CPEB2: variants seen among roughly 807,000 people sequenced by gnomAD.
CPEB2 encodes the protein cytoplasmic polyadenylation element-binding protein 2.
CPEB2 carries 56 observed loss-of-function variants against 93.6 expected under a neutral mutation model. That is an observed-to-expected ratio of 0.60 (90% CI 0.48 to 0.75). The LOEUF (loss-of-function observed/expected upper bound fraction) is 0.75. Among genes scored for constraint, CPEB2 ranks in the 30% least tolerant of loss-of-function variants. CPEB2 has a pLI of 0.00. For missense variants in CPEB2, 1,579 were observed against 1,395.1 expected, an observed-to-expected ratio of 1.13 and a Z score of -2.10; for synonymous variants, 764 against 586.3, an observed-to-expected ratio of 1.30 and a Z score of -4.38.
At chr4:15,014,824 A>G (rs1275202740) in intron 3 of CPEB2, among the ~76,000 whole-genome samples, 6 of 152,122 alleles carry the variant, frequency 3.9e-5, no homozygotes, top group Non-Finnish European at 1.5e-5. Context: ...CAAATTAGTT[A>G]TGAACACAGT....
chr4:15,047,307 G>T (rs1727805594), intron 6 of CPEB2, among the ~76,000 whole-genome samples: 1 of 152,154 alleles, frequency 6.6e-6, no homozygotes, highest in South Asian at 2.1e-4. Flanking sequence ...TGAATTTCTA[G>T]AAGACAGTGT....
Position 15,066,622 on chromosome 4 carries a change from T to A in CPEB2, c.*242T>A. 2.0e-6 allele frequency: 1 copy of A among 494,482 alleles called. No individual in the cohort carries two copies. Among genetic ancestry groups the A allele is most frequent in the Non-Finnish European group, 3.6e-6 (1 of 278,844 alleles). 30.6% of individuals were successfully genotyped at this position (494,482 alleles called of 1,614,324 possible). ...TGTTCAAATAAAATGTTTTTTTGTATTTTCTCCAAGTTATTTTTATATGTA... is the reference window on the plus strand; with the variant it reads ...TGTTCAAATAAAATGTTTTTTTGTAATTTCTCCAAGTTATTTTTATATGTA... On this transcript the variant is annotated 3_prime_UTR_variant, in exon 12 of 12. Transcript: ENST00000538197.
chr4:15,008,372 C>T lies in CPEB2; in HGVS notation c.1979C>T (p.Ser660Leu). 1 of 1,613,848 alleles carries T rather than the reference C, an allele frequency of 6.2e-7. No individual in the cohort carries two copies. The highest frequency in any genetic ancestry group is 1.7e-5 in the Admixed American group (1 of 59,996). ...AGTTTGCAGTTGCCAGCTTGGGGCT[C>T]AGATTCACTCCAAGATAGTTGGTGC... ...RSSLQLPAWG[S>L]DSLQDSWCTA... Residue 660 changes from serine to leucine, a missense_variant, in exon 3 of 12, where the codon TCA becomes TTA. Coordinates refer to ENST00000538197, the MANE Select transcript of CPEB2 (RefSeq NM_001177382.2).
At chr4:15,015,539 C>T (rs1724029928) in intron 3 of CPEB2, among the ~76,000 whole-genome samples, 1 of 152,006 alleles carries the variant, frequency 6.6e-6, no homozygotes, top group African/African-American at 2.4e-5. Context: ...AAGGCTACAA[C>T]CCTAATTTAA....
intron 8 of CPEB2, 39 bp downstream of exon 8, chr4:15,054,256 T>A: frequency 6.9e-7 from 1 of 1,441,404 alleles, no homozygotes. Flanking sequence ...AGGAAATTGG[T>A]TGTATGAGAG....
At chr4:15,034,756 A>G (rs1726443911) in intron 5 of CPEB2, among the ~76,000 whole-genome samples, 1 of 152,190 alleles carries the variant, frequency 6.6e-6, no homozygotes, top group Admixed American at 6.5e-5. Context: ...TTTGTGGGTT[A>G]AAGAAGTCAC....
At chr4:15,020,807 A>T (rs2108999141) in intron 4 of CPEB2, among the ~76,000 whole-genome samples, 1 of 152,264 alleles carries the variant, frequency 6.6e-6, no homozygotes, top group East Asian at 1.9e-4. Flanking sequence ...GGAAAGAGAG[A>T]TTCCTTATAC....
At chr4:15,060,167 A>T (rs1729060400) in intron 10 of CPEB2, among the ~76,000 whole-genome samples, 1 of 152,060 alleles carries the variant, frequency 6.6e-6, no homozygotes, top group African/African-American at 2.4e-5. Context: ...TCTTGAGTGG[A>T]GGGAAACAGG....
rs1438193292 is a variant in CPEB2, at chr4:15,003,100, A to G, written c.427A>G (p.Ser143Gly). Residue 143 changes from serine to glycine, a missense_variant, in exon 1 of 12, where the codon AGT becomes GGT. By Grantham distance (56) the Ser-to-Gly change is moderately conservative. Around this residue, in one of 2 missense-constraint regions of CPEB2, gnomAD observed 1,411 missense variants for 1,056.0 expected, o/e 1.34. Coordinates refer to ENST00000538197, the MANE Select transcript of CPEB2 (RefSeq NM_001177382.2). ...CCTCCCCTCCCAGGACTTCAAACCGAGTCTGCACCACCCCTCCTCCTCCTC... is the reference window on the plus strand; with the variant it reads ...CCTCCCCTCCCAGGACTTCAAACCGGGTCTGCACCACCCCTCCTCCTCCTC... ...HLLPSQDFKP[S>G]LHHPSSSSAS... 5.2e-6 allele frequency: 8 copies of G among 1,532,552 alleles called. No homozygotes were observed. The African/African-American group carries it at 1.1e-4, about 21-fold the overall frequency. The allele number at this position is 1,532,552 out of a possible 1,614,324, so 94.9% of individuals were successfully genotyped here. A position where few individuals can be genotyped will look rare whatever the true frequency, so the allele number is the denominator to read the frequency against.
intron 10 of CPEB2, among the ~76,000 whole-genome samples, chr4:15,059,698 T>C (rs954590665): frequency 6.6e-6 from 1 of 152,190 alleles, no homozygotes; most frequent in Non-Finnish European, 1.5e-5. Context: ...TTTTAATCAT[T>C]AAAGTAGCAC....
In CPEB2 at chr4:15,002,946, G is replaced by C; in HGVS notation, c.273G>C (p.Gln91His). 2 of 1,515,902 alleles carry C rather than the reference G, an allele frequency of 1.3e-6. No homozygotes were observed. Among genetic ancestry groups the C allele is most frequent in the Non-Finnish European group, 8.8e-7 (1 of 1,141,726 alleles). 93.9% of individuals were successfully genotyped at this position (1,515,902 alleles called of 1,614,324 possible). The change falls in exon 1 of 12, where the codon CAG becomes CAC. Residue 91 changes from glutamine to histidine, a missense_variant. Around this residue, in one of 2 missense-constraint regions of CPEB2, gnomAD observed 1,411 missense variants for 1,056.0 expected, o/e 1.34. Coordinates refer to ENST00000538197, the MANE Select transcript of CPEB2 (RefSeq NM_001177382.2). ...SSSSPFLAHQ[Q>H]TMQDELLLGL... is the part of the protein sequence containing the mutation. The stretch of plus-strand genomic sequence containing the variant: ...CCTCCCCGTTCCTGGCGCATCAGCA[G>C]ACCATGCAGGATGAGCTGCTTCTGG...
chr4:15,034,100 G>A (rs1176319828), intron 5 of CPEB2, among the ~76,000 whole-genome samples: 1 of 152,138 alleles, frequency 6.6e-6, no homozygotes, highest in Non-Finnish European at 1.5e-5. Context: ...CGTAGGAGAT[G>A]GTCAGGGTAA....
intron 11 of CPEB2, among the ~76,000 whole-genome samples, chr4:15,065,053 A>G (rs1249470332): frequency 6.6e-6 from 1 of 152,122 alleles, no homozygotes; most frequent in African/African-American, 2.4e-5. Flanking sequence ...ATCCTAATCA[A>G]TGAAATATAA....
In CPEB2 at chr4:15,008,333, T is replaced by C. The variant is rs1377856346; in HGVS notation, c.1945-5T>C. 3.1e-6 allele frequency: 5 copies of C among 1,606,118 alleles called. No individual in the cohort carries two copies. The highest frequency in any genetic ancestry group is 4.3e-6 in the Non-Finnish European group (5 of 1,172,890). On this transcript the variant is annotated splice_polypyrimidine_tract_variant and splice_region_variant and intron_variant, in intron 2 of 11. Transcript: ENST00000538197. ...TTTCTGATGAAAACTTCTATGCTAT[T>C]GAAGGTGAGATCTAGTTTGCAGTTG...
At chr4:15,008,307 A>G (rs1410436931) in intron 2 of CPEB2, 31 bp from the exon 3 acceptor site, 1 of 1,542,448 alleles carries the variant, frequency 6.5e-7, no homozygotes, top group Non-Finnish European at 9.0e-7. Flanking sequence ...ACAACTGCTC[A>G]TTTCTGATGA....
chr4:15,007,161 CTG>C (rs1263492917), intron 1 of CPEB2, 142 bp from the exon 2 acceptor site: 3 of 606,580 alleles, frequency 4.9e-6, no homozygotes, highest in Non-Finnish European at 7.7e-6. Flanking sequence ...GATCTCAAGA[CTG>C]TTACTTTTAT....
chr4:15,019,030 A>G (rs1250235365), intron 4 of CPEB2, among the ~76,000 whole-genome samples: 1 of 149,880 alleles, frequency 6.7e-6, no homozygotes, highest in East Asian at 1.9e-4. Context: ...AGTGAATTCA[A>G]AATTTTTAAG....
chr4:15,038,001 A>G lies in CPEB2; in HGVS notation c.2177-2463A>G, dbSNP rs115779177. On this transcript the variant is annotated intron_variant, in intron 5 of 11. Transcript: ENST00000538197. ...AAAGTGAATACACACACCATTGTTT[A>G]GTGTGATGGTGGCAGATTAGTTATT... Among the ~76,000 whole-genome samples, 748 of 152,338 alleles carry G rather than the reference A, an allele frequency of 4.9e-3. 7 individuals are homozygous for G. The highest frequency in any genetic ancestry group is 0.017 in the African/African-American group (696 of 41,582).
At chr4:15,053,382 G>A (rs932139899) in intron 7 of CPEB2, among the ~76,000 whole-genome samples, 17 of 152,136 alleles carry the variant, frequency 1.1e-4, no homozygotes, top group Non-Finnish European at 1.9e-4. Context: ...TATTAAACCC[G>A]AAAGGGAAAT....
Sources: gnomAD v4.1 joint callset for allele counts (sites outside exome capture counted in the v4.1 genomes callset) on GRCh38, gnomAD v4.1.1 for gene constraint, gnomAD v4.1.1 regional missense constraint, MANE v1.5 for transcripts, NCBI Gene and HGNC (gene_info 2026-07-23, HGNC 2026-07-21) for gene names.